The following APBB2 variants were observed in gnomAD, a reference collection of about 807,000 sequenced individuals.
The protein encoded by APBB2 is amyloid beta precursor protein binding family B member 2.
APBB2 carries 38 observed loss-of-function variants against 82.5 expected under a neutral mutation model. That is an observed-to-expected ratio of 0.46 (90% CI 0.36 to 0.60). The LOEUF (loss-of-function observed/expected upper bound fraction) is 0.60, where lower values mean the gene tolerates loss of function less well. Among genes scored for constraint, APBB2 ranks in the 20% least tolerant of loss-of-function variants. The probability of loss-of-function intolerance (pLI) is 0.00; values close to 1 mark genes in which losing one functional copy is unlikely to be tolerated. For missense variants in APBB2, 772 were observed against 972.3 expected, an observed-to-expected ratio of 0.79 and a Z score of 2.74; for synonymous variants, 341 against 368.2, an observed-to-expected ratio of 0.93 and a Z score of 0.85.
At chr4:40,997,475 A>G (rs1416707103) in intron 6 of APBB2, among the ~76,000 whole-genome samples, 7 of 152,346 alleles carry the variant, frequency 4.6e-5, no homozygotes, top group Non-Finnish European at 4.4e-5. Context: ...AGGTCAGTTA[A>G]GTACATTAGC....
At chr4:40,981,189 G>C (rs138495773) in intron 6 of APBB2, among the ~76,000 whole-genome samples, 1,806 of 152,136 alleles carry the variant, frequency 0.012, 40 homozygotes, top group African/African-American at 0.042. Flanking sequence ...CGGATCACGA[G>C]GTCAAGAGAT....
At chr4:41,025,553 GTTCACTGCAGCGCTA>G (rs1226131987) in intron 5 of APBB2, among the ~76,000 whole-genome samples, 3 of 152,012 alleles carry the variant, frequency 2.0e-5, no homozygotes, top group Non-Finnish European at 4.4e-5. Flanking sequence ...GGACATGAAT[GTTCACTGCAGCGCTA>G]TTCACAACAG....
intron 10 of APBB2, among the ~76,000 whole-genome samples, chr4:40,922,622 A>AT (rs1489316279): frequency 2.0e-5 from 3 of 151,546 alleles, no homozygotes; most frequent in Non-Finnish European, 4.4e-5. Context: ...TTATTTACTT[A>AT]TTTTTTGAGA....
chr4:41,193,437 G>A (rs1487443169), intron 1 of APBB2: 1 of 267,316 alleles, frequency 3.7e-6, no homozygotes, highest in Non-Finnish European at 5.8e-6. Flanking sequence ...CTTGTCCAAG[G>A]TCACAGCTGG....
Position 41,176,037 on chromosome 4 carries a change from A to C in APBB2, c.-416-32895T>G, listed in dbSNP as rs77238100. ...ATAAAATGTTTAAGACATGAATGTA[A>C]CATTTTTCACATTTCTCCACCTTAA... On this transcript the variant is annotated intron_variant, in intron 1 of 17. Coordinates refer to ENST00000508593, the MANE Select transcript of APBB2 (RefSeq NM_004307.2). 7.0e-3 allele frequency among the ~76,000 whole-genome samples: 1,064 copies of C among 152,300 alleles called. 14 individuals carry two copies. Among genetic ancestry groups the C allele is most frequent in the South Asian group, 0.033 (158 of 4,824 alleles).
chr4:41,064,801 TC>T (rs1414700976), intron 4 of APBB2, among the ~76,000 whole-genome samples: 1 of 152,166 alleles, frequency 6.6e-6, no homozygotes, highest in Non-Finnish European at 1.5e-5. Flanking sequence ...AGCCAGGAAC[TC>T]CCTCCCTAAT....
chr4:40,975,542 C>A (rs548676265), intron 6 of APBB2, among the ~76,000 whole-genome samples: 1 of 152,176 alleles, frequency 6.6e-6, no homozygotes, highest in East Asian at 1.9e-4. Context: ...TAGCACAATC[C>A]CTGGTACATG....
At chr4:40,953,825 C>A (rs1270844298) in intron 6 of APBB2, among the ~76,000 whole-genome samples, 1 of 152,174 alleles carries the variant, frequency 6.6e-6, no homozygotes, top group Non-Finnish European at 1.5e-5. Context: ...TGAAAGCCAT[C>A]GGTGTCCTTT....
At chr4:41,035,953 G>A (rs1454584979) in intron 4 of APBB2, among the ~76,000 whole-genome samples, 1 of 152,172 alleles carries the variant, frequency 6.6e-6, no homozygotes, top group Non-Finnish European at 1.5e-5. Context: ...GAGCCCAGGA[G>A]TTTGAGACCA....
At chr4:41,042,839 C>A (rs1325471395) in intron 4 of APBB2, among the ~76,000 whole-genome samples, 1 of 152,212 alleles carries the variant, frequency 6.6e-6, no homozygotes, top group Non-Finnish European at 1.5e-5. Flanking sequence ...ATACTAATGG[C>A]TATTGTTTAA....
At chr4:41,172,072 C>G (rs1768433568) in intron 1 of APBB2, among the ~76,000 whole-genome samples, 1 of 152,174 alleles carries the variant, frequency 6.6e-6, no homozygotes, top group Admixed American at 6.5e-5. Context: ...TGCACTCCAG[C>G]CTGGGTGACA....
At chr4:40,853,133 A>G (rs1241849272) in intron 12 of APBB2, among the ~76,000 whole-genome samples, 1 of 152,030 alleles carries the variant, frequency 6.6e-6, no homozygotes, top group Non-Finnish European at 1.5e-5. Context: ...GGCGAGTTCA[A>G]CCTCCACATT....
At chr4:41,025,695 G>T (rs1355997302) in intron 5 of APBB2, among the ~76,000 whole-genome samples, 2 of 151,938 alleles carry the variant, frequency 1.3e-5, no homozygotes, top group Non-Finnish European at 2.9e-5. Flanking sequence ...GAGGTGGGTG[G>T]ATCACCTCAG....
At chr4:41,110,114 C>T (rs1410891985) in intron 2 of APBB2, among the ~76,000 whole-genome samples, 1 of 152,160 alleles carries the variant, frequency 6.6e-6, no homozygotes, top group Non-Finnish European at 1.5e-5. Context: ...AATTTACAGC[C>T]CCCATCCCTG....
At chr4:41,069,948 G>A (rs1733229332) in intron 3 of APBB2, among the ~76,000 whole-genome samples, 1 of 152,174 alleles carries the variant, frequency 6.6e-6, no homozygotes, top group Non-Finnish European at 1.5e-5. Context: ...CCTCTTAAAT[G>A]GGAAAATAGA....
At chr4:40,894,289 C>CAAAA (rs955572957) in intron 10 of APBB2, among the ~76,000 whole-genome samples, 2 of 122,282 alleles carry the variant, frequency 1.6e-5, no homozygotes, top group Non-Finnish European at 3.5e-5. Flanking sequence ...GACTCCGTCT[C>CAAAA]AAAAAAAAAA....
In APBB2 at chr4:40,832,838, C is replaced by T. The variant is rs1227768331; in HGVS notation, c.1530-2261G>A. ...GTCTAGTTCAGGCCTGGCGTATCAC[C>T]GGTACTAATACATGTTTGCGGGCTG... On this transcript the variant is annotated intron_variant, in intron 12 of 17. Transcript: ENST00000508593. The surrounding 1 kb of genome is among the most constrained non-coding windows in gnomAD (Gnocchi z 4.8). Among the ~76,000 whole-genome samples the T allele has an allele frequency of 1.3e-5, 2 of 152,194 alleles. No homozygotes were observed. Among genetic ancestry groups the T allele is most frequent in the South Asian group, 2.1e-4 (1 of 4,826 alleles).
intron 3 of APBB2, among the ~76,000 whole-genome samples, chr4:41,090,523 G>T (rs1741301883): frequency 6.6e-6 from 1 of 152,134 alleles, no homozygotes; most frequent in Non-Finnish European, 1.5e-5. Context: ...TAAGACATCA[G>T]ACACTAGTCT....
intron 1 of APBB2, among the ~76,000 whole-genome samples, chr4:41,206,244 G>A (rs759479389): frequency 6.6e-5 from 10 of 152,184 alleles, no homozygotes; most frequent in Non-Finnish European, 1.2e-4. Flanking sequence ...TTGCTGTAGT[G>A]GGAATTTTAC....
Sources: allele counts gnomAD v4.1 joint callset (sites outside exome capture counted in the v4.1 genomes callset), GRCh38; gene constraint gnomAD v4.1.1; non-coding constraint Gnocchi (gnomAD v3.1); transcripts MANE v1.5; gene names NCBI Gene and HGNC (gene_info 2026-07-23, HGNC 2026-07-21).